The following ARHGAP42 variants were observed in gnomAD, a reference collection of about 807,000 sequenced individuals.
ARHGAP42 encodes the protein Rho GTPase activating protein 42.
In ARHGAP42, 63 loss-of-function variants were observed where a neutral mutation model predicts 125.0. The ratio of observed to expected loss-of-function variants is 0.50; its 90% CI spans 0.41 to 0.62. The LOEUF is 0.62. Ranked by LOEUF, ARHGAP42 falls within the 20% of genes least tolerant of loss-of-function variation. ARHGAP42 has a pLI of 0.00. For missense variants in ARHGAP42, 766 were observed against 1,024.2 expected (o/e 0.75, Z 3.44); for synonymous variants, 339 against 351.0 (o/e 0.97, Z 0.38).
chr11:100,732,594 T>C (rs1861979811), intron 1 of ARHGAP42, among the ~76,000 whole-genome samples: 2 of 152,172 alleles, frequency 1.3e-5, no homozygotes, highest in South Asian at 2.1e-4. Context: ...GGTGGAGCCT[T>C]ATTCTAAAGC....
At chr11:100,705,977 C>CT (rs34731514) in intron 1 of ARHGAP42, among the ~76,000 whole-genome samples, 22,317 of 112,076 alleles carry the variant, frequency 0.2, 2,745 homozygotes, top group Non-Finnish European at 0.23. Context: ...AGTTAAGTAA[C>CT]TTTTTTTTTT....
rs900604923 is a variant in ARHGAP42 at position 100,993,091 on chromosome 11, G to A, written c.*4290G>A. ...CGGCTATTTGGGAAACTTAAGTGTT[G>A]GAGGAGGCAGGGGCTGAAGGTGTCA... is the stretch of plus-strand genomic sequence containing the variant. On this transcript the variant is annotated 3_prime_UTR_variant, in exon 24 of 24. Coordinates refer to ENST00000298815, the MANE Select transcript of ARHGAP42 (RefSeq NM_152432.4). The A allele has an allele frequency of 2.2e-5, 4 of 180,164 alleles. No homozygotes were observed. Among genetic ancestry groups the A allele is most frequent in the African/African-American group, 9.6e-5 (4 of 41,684 alleles). 11.2% of individuals were successfully genotyped at this position (180,164 alleles called of 1,614,324 possible).
intron 1 of ARHGAP42, among the ~76,000 whole-genome samples, chr11:100,756,411 T>G (rs1442123687): frequency 6.6e-6 from 1 of 151,950 alleles, no homozygotes; most frequent in Non-Finnish European, 1.5e-5. Context: ...AATAAATATA[T>G]TTTTAAATAC....
intron 4 of ARHGAP42, among the ~76,000 whole-genome samples, chr11:100,862,820 C>A (rs528452303): frequency 6.6e-6 from 1 of 151,826 alleles, no homozygotes; most frequent in Non-Finnish European, 1.5e-5. Flanking sequence ...CACCTGAGTT[C>A]GGGAGTTCGA....
chr11:100,977,556 A>G (rs974374581), intron 21 of ARHGAP42, among the ~76,000 whole-genome samples: 8 of 152,240 alleles, frequency 5.3e-5, no homozygotes, highest in Admixed American at 2.0e-4. Flanking sequence ...TGGGTGAAGA[A>G]GAACAATGGA....
chr11:100,929,397 C>G (rs956688252), intron 6 of ARHGAP42, among the ~76,000 whole-genome samples: 1 of 152,148 alleles, frequency 6.6e-6, no homozygotes. Flanking sequence ...CTATTATAAA[C>G]GTTCATGTAC....
At chr11:100,849,225 C>T (rs1395027700) in intron 3 of ARHGAP42, among the ~76,000 whole-genome samples, 1 of 124,202 alleles carries the variant, frequency 8.1e-6, no homozygotes, top group Non-Finnish European at 1.7e-5. Context: ...TGACATATCA[C>T]TCATTCTTCA....
intron 1 of ARHGAP42, among the ~76,000 whole-genome samples, chr11:100,736,226 G>T (rs1862064946): frequency 6.6e-6 from 1 of 152,154 alleles, no homozygotes; most frequent in Non-Finnish European, 1.5e-5. Context: ...TAGAGATAGA[G>T]AATTCTCATC....
At chr11:100,789,774 C>A (rs978814982) in intron 2 of ARHGAP42, among the ~76,000 whole-genome samples, 2 of 152,078 alleles carry the variant, frequency 1.3e-5, no homozygotes, top group African/African-American at 4.8e-5. Flanking sequence ...GGGATTTGGG[C>A]AGTCTAATAA....
intron 1 of ARHGAP42, among the ~76,000 whole-genome samples, chr11:100,754,334 G>A (rs181713592): frequency 2.0e-5 from 3 of 152,292 alleles, no homozygotes; most frequent in Admixed American, 2.0e-4. Context: ...CCTGAGCAAT[G>A]ACCTAGAAAT....
chr11:100,898,646 T>A (rs978742273), intron 4 of ARHGAP42, among the ~76,000 whole-genome samples: 2 of 152,212 alleles, frequency 1.3e-5, no homozygotes, highest in African/African-American at 4.8e-5. Context: ...TTTATAGTAT[T>A]CTCTGGTGGT....
rs757372755 is a variant in ARHGAP42 at position 100,751,773 on chromosome 11, C to CTTTTTTTT, written c.155-18551_155-18544dup. On this transcript the variant is annotated intron_variant, in intron 1 of 23. Coordinates refer to ENST00000298815, the MANE Select transcript of ARHGAP42 (RefSeq NM_152432.4). ...CTGGTTATTCAGATCAGACAGGCAC[C>CTTTTTTTT]TTTTTTTTTTTTTTTTTTTTTTTTT... Among the ~76,000 whole-genome samples, 22 of 84,358 alleles carry CTTTTTTTT rather than the reference C, an allele frequency of 2.6e-4. 2 individuals carry two copies. The highest frequency in any genetic ancestry group is 5.8e-4 in the African/African-American group (12 of 20,544). 55.3% of individuals were successfully genotyped at this position (84,358 alleles called of 152,430 possible). A position where few individuals can be genotyped will look rare whatever the true frequency, so the allele number is the denominator to read the frequency against.
intron 3 of ARHGAP42, among the ~76,000 whole-genome samples, chr11:100,810,627 A>G (rs1035422841): frequency 8.5e-5 from 13 of 152,232 alleles, no homozygotes; most frequent in Non-Finnish European, 1.5e-4. Flanking sequence ...CTTTATTTCT[A>G]TTGAGGGAAA....
At chr11:100,697,840 T>C (rs1861313496) in intron 1 of ARHGAP42, among the ~76,000 whole-genome samples, 1 of 152,180 alleles carries the variant, frequency 6.6e-6, no homozygotes, top group Non-Finnish European at 1.5e-5. Context: ...CCTTAAAATG[T>C]CTGAATGAAA....
intron 4 of ARHGAP42, among the ~76,000 whole-genome samples, chr11:100,907,634 C>G (rs1008237169): frequency 1.3e-5 from 2 of 152,118 alleles, no homozygotes; most frequent in Admixed American, 1.3e-4. Flanking sequence ...TTCTGGATGC[C>G]AAGATCCCTT....
At chr11:100,841,071 G>A (rs570568262) in intron 3 of ARHGAP42, among the ~76,000 whole-genome samples, 29 of 152,152 alleles carry the variant, frequency 1.9e-4, no homozygotes, top group South Asian at 1.5e-3. Context: ...CATGAAATAC[G>A]GTCTCTTGAT....
rs370372902 is a variant in ARHGAP42 at position 100,985,614 on chromosome 11, T to C, written c.2457-1899T>C. ...AGTTCTTTAAAGTCCTGTCCTTCTC[T>C]GAGTGCCTCTACTTCCTCAGTTCTT... On this transcript the variant is annotated intron_variant, in intron 22 of 23. Coordinates refer to ENST00000298815, the MANE Select transcript of ARHGAP42 (RefSeq NM_152432.4). Among the ~76,000 whole-genome samples the C allele has an allele frequency of 7.0e-4, 106 of 152,338 alleles. 1 individual carries two copies. The South Asian group carries it at 0.022, about 32-fold the overall frequency.
intron 3 of ARHGAP42, among the ~76,000 whole-genome samples, chr11:100,843,802 C>G (rs779053459): frequency 4.6e-5 from 7 of 151,996 alleles, no homozygotes; most frequent in Non-Finnish European, 8.8e-5. Flanking sequence ...TCATAGACAA[C>G]ACAAACAAAT....
rs543625717 is a variant in ARHGAP42, at chr11:100,900,050, G to A, written c.385-13402G>A. Among the ~76,000 whole-genome samples the A allele has an allele frequency of 2.8e-4, 43 of 152,240 alleles. 1 individual carries two copies. In the South Asian group the frequency reaches 7.3e-3, roughly 26 times the overall value. The stretch of plus-strand genomic sequence containing the variant: ...GTTTTTGGAGTGGCTCGTACTGGTC[G>A]TTTCTTTCCATGTTTAGTGCTACCT... On this transcript the variant is annotated intron_variant, in intron 4 of 23. Transcript: ENST00000298815.
Sources: allele counts gnomAD v4.1 joint callset (sites outside exome capture counted in the v4.1 genomes callset), GRCh38; gene constraint gnomAD v4.1.1; transcripts MANE v1.5; gene names NCBI Gene and HGNC (gene_info 2026-07-23, HGNC 2026-07-21).